AK9: variants seen among roughly 807,000 people sequenced by gnomAD.
AK9 encodes adenylate kinase 9.
Under a neutral mutation model 239.6 loss-of-function variants are expected in AK9, and 191 were observed. That is an observed-to-expected ratio of 0.80 (90% CI 0.71 to 0.90). The LOEUF (loss-of-function observed/expected upper bound fraction) is 0.90. Ranked by LOEUF, AK9 falls within the 40% of genes least tolerant of loss-of-function variation. The pLI, the probability that AK9 is intolerant of heterozygous loss-of-function variation, is 0.00. For synonymous variants in AK9, 689 were observed against 721.0 expected (o/e 0.96, Z 0.71); for missense variants, 1,995 against 2,214.7 (o/e 0.90, Z 1.99).
chr6:109,501,310 G>A (rs1777582025), intron 35 of AK9, among the ~76,000 whole-genome samples: 1 of 152,048 alleles, frequency 6.6e-6, no homozygotes, highest in South Asian at 2.1e-4. Flanking sequence ...GGAGGGTGTG[G>A]GGGTCCAGGA....
chr6:109,518,231 T>C (rs1026045423), intron 29 of AK9, among the ~76,000 whole-genome samples: 5 of 152,290 alleles, frequency 3.3e-5, no homozygotes, highest in Non-Finnish European at 7.3e-5. Context: ...CAAGCTCCCC[T>C]TTCTCCAAAA....
At chr6:109,646,848 G>C (rs995964848) in intron 8 of AK9, among the ~76,000 whole-genome samples, 1 of 152,194 alleles carries the variant, frequency 6.6e-6, no homozygotes, top group African/African-American at 2.4e-5. Flanking sequence ...AGAAAGGTTG[G>C]GTTACCCACA....
intron 8 of AK9, among the ~76,000 whole-genome samples, chr6:109,649,069 T>G (rs1478187188): frequency 1.3e-5 from 2 of 152,176 alleles, no homozygotes; most frequent in African/African-American, 4.8e-5. Context: ...TCTCAATAAA[T>G]TAGTTATTGA....
chr6:109,646,217 T>C (rs1045043744), intron 8 of AK9, among the ~76,000 whole-genome samples: 6 of 152,126 alleles, frequency 3.9e-5, no homozygotes, highest in African/African-American at 1.4e-4. Context: ...TCACCAGCAA[T>C]GGAAGAAAGC....
intron 15 of AK9, among the ~76,000 whole-genome samples, chr6:109,613,422 A>C (rs1368610194): frequency 1.3e-5 from 2 of 152,000 alleles, no homozygotes; most frequent in Non-Finnish European, 2.9e-5. Flanking sequence ...TTCTGAAGTA[A>C]AAATTAAAAC....
chr6:109,618,988 A>G (rs1255637592), intron 13 of AK9, 104 bp downstream of exon 13: 4 of 1,263,936 alleles, frequency 3.2e-6, no homozygotes, highest in African/African-American at 1.5e-5. Flanking sequence ...TAATGTGTAA[A>G]GTGCCAAGAA....
intron 20 of AK9, among the ~76,000 whole-genome samples, chr6:109,577,904 CTCTT>C (rs149858598): frequency 3.6e-4 from 50 of 137,222 alleles, no homozygotes; most frequent in African/African-American, 3.7e-4. Context: ...CTCTCTTTCT[CTCTT>C]TCTTTCTTTC....
At chr6:109,664,691 G>A (rs1213691338) in intron 5 of AK9, among the ~76,000 whole-genome samples, 1 of 151,616 alleles carries the variant, frequency 6.6e-6, no homozygotes, top group African/African-American at 2.4e-5. Flanking sequence ...TCAAAGTGCT[G>A]GTATTACAGG....
chr6:109,533,434 A>T lies in AK9; in HGVS notation c.3387T>A (p.Tyr1129Ter). Residue 1129 changes from tyrosine (Y) to a stop codon, truncating the protein, a stop_gained, in exon 28 of 41, where the codon TAT (tyrosine) becomes TAA (stop). Transcript: ENST00000424296. LOFTEE classifies it high-confidence loss of function. ...TGFILDGFPR[Y>*]PEEAQFLGDR... is the part of the protein sequence containing the mutation. ...CTCCCAAAAACTGGGCCTCTTCTGG[A>T]TATCGTGGGAAACCATCTAATATAA... 6 of 1,608,166 alleles carry T rather than the reference A, an allele frequency of 3.7e-6. No homozygotes were observed. The highest frequency in any genetic ancestry group is 5.1e-6 in the Non-Finnish European group (6 of 1,178,198).
Position 109,498,987 on chromosome 6 carries a change from T to C in AK9, c.5046+57A>G, listed in dbSNP as rs1216035164. On this transcript the variant is annotated intron_variant, in intron 36 of 40. Transcript: ENST00000424296. ...TGCCTATCCCTTCCTATTGATTGAT[T>C]CCAAGATAAGACATTTTCTTTCTTT... 7 of 1,345,130 alleles carry C rather than the reference T, an allele frequency of 5.2e-6. No homozygotes were observed. The African/African-American group carries it at 9.1e-5, about 17-fold the overall frequency. 83.3% of individuals were successfully genotyped at this position (1,345,130 alleles called of 1,614,324 possible).
In AK9 at chr6:109,614,243, C is replaced by T. The variant is rs1793899334; in HGVS notation, c.1549G>A (p.Glu517Lys). Residue 517 changes from glutamate to lysine, a missense_variant, in exon 15 of 41, where the codon GAA (glutamate) becomes AAA (lysine). Physicochemically the swap from Glu to Lys is moderately conservative, Grantham distance 56 (BLOSUM62 1). Transcript: ENST00000424296. ...ACATTTTCTGACTTTGTTTTGGCTTCTTCGGTGTCCACTAAAGAGCTGCCT... is the reference window on the plus strand; with the variant it reads ...ACATTTTCTGACTTTGTTTTGGCTTTTTCGGTGTCCACTAAAGAGCTGCCT... ...DRGSSLVDTE[E>K]AKTKSENVLH... 2 of 1,551,382 alleles carry T rather than the reference C, an allele frequency of 1.3e-6. No individual in the cohort carries two copies. Among genetic ancestry groups the T allele is most frequent in the South Asian group, 1.2e-5 (1 of 84,052 alleles).
intron 6 of AK9, among the ~76,000 whole-genome samples, chr6:109,661,473 G>A (rs1800403825): frequency 6.6e-6 from 1 of 152,112 alleles, no homozygotes; most frequent in South Asian, 2.1e-4. Flanking sequence ...ACAACTGTGT[G>A]CTCTCTCTCA....
rs375046428 is a variant in AK9 at position 109,619,190 on chromosome 6, C to T, written c.1301G>A (p.Arg434His). 3.7e-5 allele frequency: 57 copies of T among 1,550,034 alleles called. 1 individual carries two copies. The East Asian group carries it at 3.9e-4, about 11-fold the overall frequency. ...TATGGTATTTTCTACTAATGTTTCA[C>T]GGGCTTTATCAAAACGTGGCTGAAC... The part of the protein sequence containing the change: ...QLVQPRFDKA[R>H]ETLVENTIAE... The change falls in exon 13 of 41, where the codon CGT (arginine) becomes CAT (histidine). Residue 434 changes from arginine to histidine, a missense_variant. Physicochemically the swap from Arg to His is conservative, Grantham distance 29 (BLOSUM62 0). Transcript: ENST00000424296.
rs1174401550 is a variant in AK9 at position 109,564,762 on chromosome 6, C to T, written c.2428G>A (p.Glu810Lys). 6.5e-7 allele frequency: 1 copy of T among 1,539,786 alleles called. No homozygotes were observed. Residue 810 changes from glutamate to lysine, a missense_variant, in exon 22 of 41, where the codon GAA (glutamate) becomes AAA (lysine). Physicochemically the swap from Glu to Lys is moderately conservative, Grantham distance 56. This residue lies in a region of AK9 where 1,290 missense variants were observed against 1,392.7 expected (regional missense o/e 0.93). Coordinates refer to ENST00000424296, the MANE Select transcript of AK9 (RefSeq NM_001145128.3). Reference protein sequence around the residue: ...KEGLEIEKLSETVVLPEFPED... With the variant: ...KEGLEIEKLSKTVVLPEFPED... ...TTTCATTTTACAGTCTAACCTGTTT[C>T]AGATAATTTTTCAATTTCCAGGCCC... is the stretch of plus-strand genomic sequence containing the variant.
intron 33 of AK9, 47 bp from the exon 34 acceptor site, chr6:109,506,847 C>A: frequency 6.9e-7 from 1 of 1,448,040 alleles, no homozygotes; most frequent in South Asian, 1.5e-5. Context: ...TTCTTTTTCT[C>A]TCGTACTTCC....
intron 24 of AK9, among the ~76,000 whole-genome samples, chr6:109,554,817 C>G (rs1329476143): frequency 6.6e-6 from 1 of 152,148 alleles, no homozygotes; most frequent in Non-Finnish European, 1.5e-5. Flanking sequence ...CAGGCGTGAA[C>G]CACCACACCC....
Position 109,514,273 on chromosome 6 carries a change from C to T in AK9, c.4230G>A (p.Val1410=), listed in dbSNP as rs1043712602. 1.6e-5 allele frequency: 25 copies of T among 1,551,706 alleles called. No homozygotes were observed. In the African/African-American group the frequency reaches 3.0e-4, roughly 19 times the overall value. ...YIRQPKPKPT[V]PIRIIIVGPP... ...GCCCCACAATTATAATCCTAATGGG[C>T]ACAGTAGGCTTAGGTTTGGGTTGGC... Residue 1410 remains valine (V), a synonymous_variant, in exon 32 of 41, where the codon GTG becomes GTA. Coordinates refer to ENST00000424296, the MANE Select transcript of AK9 (RefSeq NM_001145128.3).
chr6:109,547,843 T>C (rs1389371342), intron 25 of AK9, among the ~76,000 whole-genome samples: 2 of 58,936 alleles, frequency 3.4e-5, no homozygotes, highest in East Asian at 9.2e-4. Flanking sequence ...AACAGCTCAG[T>C]AGCAAAAAAA....
intron 19 of AK9, among the ~76,000 whole-genome samples, chr6:109,583,301 C>T (rs989902092): frequency 6.6e-6 from 1 of 152,126 alleles, no homozygotes; most frequent in African/African-American, 2.4e-5. Flanking sequence ...TTCTGTAACC[C>T]ACTTGGATAG....
Sources: allele counts gnomAD v4.1 joint callset (sites outside exome capture counted in the v4.1 genomes callset), GRCh38; gene constraint gnomAD v4.1.1; regional missense constraint gnomAD v4.1.1; transcripts MANE v1.5; gene names NCBI Gene and HGNC (gene_info 2026-07-23, HGNC 2026-07-21).